Variants in CD96 observed in about 807,000 individuals in gnomAD.
CD96 encodes the protein T-cell surface protein tactile.
Under a neutral mutation model 71.3 loss-of-function variants are expected in CD96, and 70 were observed. That is an observed-to-expected ratio of 0.98 (90% CI 0.81 to 1.20). The LOEUF (loss-of-function observed/expected upper bound fraction) is 1.20, where lower values mean the gene tolerates loss of function less well. Ranked by LOEUF, CD96 falls within the 50% of genes most tolerant of loss-of-function variation. The pLI is 0.00. For synonymous variants in CD96, 248 were observed against 233.0 expected (o/e 1.06, Z -0.59); for missense variants, 742 against 677.5 (o/e 1.10, Z -1.06).
At chr3:111,641,791 C>T (rs551440695) in intron 12 of CD96, among the ~76,000 whole-genome samples, 2 of 152,268 alleles carry the variant, frequency 1.3e-5, no homozygotes, top group South Asian at 4.2e-4. Context: ...GAAATTATAT[C>T]AAGCACTCTC....
intron 2 of CD96, among the ~76,000 whole-genome samples, chr3:111,554,917 A>G (rs948503309): frequency 7.2e-5 from 11 of 151,996 alleles, no homozygotes; most frequent in African/African-American, 2.7e-4. Context: ...ACAGATCATC[A>G]GGCATTAGAT....
chr3:111,657,649 CAGGTTCTCATTG>C (rs1940265784), intron 14 of CD96, among the ~76,000 whole-genome samples: 1 of 151,930 alleles, frequency 6.6e-6, no homozygotes, highest in Non-Finnish European at 1.5e-5. Flanking sequence ...ATTGGGTGCC[CAGGTTCTCATTG>C]AGGGAAAAGG....
intron 2 of CD96, among the ~76,000 whole-genome samples, chr3:111,554,354 A>T (rs1390792099): frequency 6.6e-6 from 1 of 152,046 alleles, no homozygotes; most frequent in Admixed American, 6.5e-5. Context: ...ATAGATTTTT[A>T]ATTTTTGATA....
intron 8 of CD96, among the ~76,000 whole-genome samples, chr3:111,615,525 G>C (rs773179289): frequency 2.1e-4 from 32 of 152,298 alleles, no homozygotes; most frequent in South Asian, 6.2e-4. Context: ...TGGAAATACA[G>C]TAAGAACCCA....
intron 5 of CD96, among the ~76,000 whole-genome samples, chr3:111,597,572 C>A (rs1937316799): frequency 6.6e-6 from 1 of 152,124 alleles, no homozygotes; most frequent in South Asian, 2.1e-4. Context: ...TCTACCTATC[C>A]TTAAGATTAA....
At chr3:111,639,624 C>A (rs1378980755) in intron 12 of CD96, among the ~76,000 whole-genome samples, 1 of 152,218 alleles carries the variant, frequency 6.6e-6, no homozygotes, top group Non-Finnish European at 1.5e-5. Flanking sequence ...CTCCAGACTA[C>A]TATAGCTGAT....
intron 2 of CD96, among the ~76,000 whole-genome samples, chr3:111,551,483 C>T (rs141590228): frequency 6.6e-6 from 1 of 152,148 alleles, no homozygotes; most frequent in Non-Finnish European, 1.5e-5. Flanking sequence ...TCATGCTAAG[C>T]TTTGAATATT....
intron 2 of CD96, among the ~76,000 whole-genome samples, chr3:111,564,204 A>G (rs1468729089): frequency 6.6e-6 from 1 of 151,922 alleles, no homozygotes; most frequent in Non-Finnish European, 1.5e-5. Flanking sequence ...TTCTTGAATT[A>G]TAGTTTTTAA....
chr3:111,612,081 T>C (rs930654083), intron 8 of CD96, among the ~76,000 whole-genome samples: 1 of 152,230 alleles, frequency 6.6e-6, no homozygotes, highest in African/African-American at 2.4e-5. Flanking sequence ...GAATCGGGGC[T>C]GTGATCTGAA....
chr3:111,587,065 G>T (rs576586953), intron 5 of CD96, among the ~76,000 whole-genome samples: 1 of 152,032 alleles, frequency 6.6e-6, no homozygotes, highest in African/African-American at 2.4e-5. Context: ...ACAGGTATTG[G>T]ATAAATACAG....
At chr3:111,549,182 C>CTCCTT (rs949823297) in intron 2 of CD96, among the ~76,000 whole-genome samples, 1 of 151,760 alleles carries the variant, frequency 6.6e-6, no homozygotes, top group African/African-American at 2.4e-5. Context: ...CCCCTCCCCT[C>CTCCTT]TCCTTTCCTT....
chr3:111,657,604 T>C (rs966999481), intron 14 of CD96, among the ~76,000 whole-genome samples: 2 of 152,088 alleles, frequency 1.3e-5, no homozygotes, highest in African/African-American at 2.4e-5. Context: ...TTTGAAACAT[T>C]GTTCTGTATT....
At chr3:111,604,262 G>A (rs935044673) in intron 7 of CD96, among the ~76,000 whole-genome samples, 2 of 152,084 alleles carry the variant, frequency 1.3e-5, no homozygotes, top group Admixed American at 6.5e-5. Flanking sequence ...CTACTCAAAT[G>A]GACACACCCA....
At position 111,604,393 on chromosome 3, in the gene CD96, G is replaced by GTCTCT. The variant is rs528648298; in HGVS notation, c.1088-2306_1088-2302dup. 1.4e-3 allele frequency among the ~76,000 whole-genome samples: 211 copies of GTCTCT among 152,306 alleles called. 1 individual carries two copies. The highest frequency in any genetic ancestry group is 4.6e-3 in the African/African-American group (192 of 41,562). On this transcript the variant is annotated intron_variant, in intron 7 of 13. Coordinates refer to ENST00000352690, the MANE Select transcript of CD96 (RefSeq NM_005816.5). ...TTCTGCATTTGGGTTTTGGGAAACT[G>GTCTCT]TCTCTCCTTTTTAGGTTTTAACCAC...
At position 111,649,741 on chromosome 3, in the gene CD96, A is replaced by C; in HGVS notation, c.1645A>C (p.Lys549Gln). ...PPFKPPPPPIKYTCIQEPNES... is the reference protein window; with the variant it reads ...PPFKPPPPPIQYTCIQEPNES... ...TTTCAAGCCACCACCACCTCCCATC[A>C]AGTACACTTGCATTCAAGAGCCCAA... Residue 549 changes from lysine (K) to glutamine (Q), a missense_variant, in exon 14 of 14, where the codon AAG (lysine) becomes CAG (glutamine). Lys to Gln is a moderately conservative substitution (Grantham distance 53, BLOSUM62 1). Coordinates refer to ENST00000352690, the MANE Select transcript of CD96 (RefSeq NM_005816.5). 1 of 1,614,076 alleles carries C rather than the reference A, an allele frequency of 6.2e-7. No individual in the cohort carries two copies. Among genetic ancestry groups the C allele is most frequent in the Non-Finnish European group, 8.5e-7 (1 of 1,179,874 alleles).
intron 4 of CD96, among the ~76,000 whole-genome samples, chr3:111,579,688 C>T (rs1576343468): frequency 6.6e-6 from 1 of 152,096 alleles, no homozygotes; most frequent in East Asian, 1.9e-4. Flanking sequence ...ACTCAGGTCT[C>T]TCTTCCTCTT....
At chr3:111,631,769 C>A (rs1939074284) in intron 10 of CD96, among the ~76,000 whole-genome samples, 2 of 152,124 alleles carry the variant, frequency 1.3e-5, no homozygotes, top group African/African-American at 2.4e-5. Context: ...TGTACTGGTA[C>A]AAGAACACAC....
chr3:111,563,533 A>G (rs1249127780), intron 2 of CD96, among the ~76,000 whole-genome samples: 2 of 152,204 alleles, frequency 1.3e-5, no homozygotes, highest in African/African-American at 4.8e-5. Context: ...TCAATAAGAA[A>G]TGCTTTGCAA....
intron 12 of CD96, among the ~76,000 whole-genome samples, chr3:111,644,424 C>A (rs1295433973): frequency 6.6e-6 from 1 of 151,888 alleles, no homozygotes; most frequent in Admixed American, 6.6e-5. Flanking sequence ...GACCAAGAAC[C>A]CAAAAAGAAA....
Sources: allele counts gnomAD v4.1 joint callset (sites outside exome capture counted in the v4.1 genomes callset), GRCh38; gene constraint gnomAD v4.1.1; transcripts MANE v1.5; gene names NCBI Gene and HGNC (gene_info 2026-07-23, HGNC 2026-07-21).